The following CHMP4A variants were observed in gnomAD, a reference collection of about 807,000 sequenced individuals.
The protein encoded by CHMP4A is SNF7 homolog associated with Alix-2.
In CHMP4A, 29 loss-of-function variants were observed where a neutral mutation model predicts 28.2. That is an observed-to-expected ratio of 1.03 (90% CI 0.77 to 1.40). The LOEUF (loss-of-function observed/expected upper bound fraction) is 1.40. Among genes scored for constraint, CHMP4A ranks in the 40% most tolerant of loss-of-function variants. CHMP4A has a pLI of 0.00. For missense variants in CHMP4A, 241 were observed against 263.5 expected, an observed-to-expected ratio of 0.91 and a Z score of 0.59; for synonymous variants, 88 against 99.3, an observed-to-expected ratio of 0.89 and a Z score of 0.67.
intron 1 of CHMP4A, chr14:24,212,715 C>T (rs2039606094): frequency 5.9e-6 from 1 of 170,540 alleles, no homozygotes; most frequent in African/African-American, 2.5e-5. Context: ...GCCACCACAA[C>T]CAGCTAATTT....
chr14:24,210,325 GACAACAGA>G lies in CHMP4A; in HGVS notation c.610+15_610+22del. 2 of 1,611,524 alleles carry G rather than the reference GACAACAGA, an allele frequency of 1.2e-6. No homozygotes were observed. The highest frequency in any genetic ancestry group is 1.7e-6 in the Non-Finnish European group (2 of 1,178,822). ...CTCTCCCACCCTCTTAAGTCCTCAAGACAACAGAACAACCCTGCATACCTGGCCCTGCC... is the reference window on the plus strand; with the variant it reads ...CTCTCCCACCCTCTTAAGTCCTCAAGACAACCCTGCATACCTGGCCCTGCC... On this transcript the variant is annotated intron_variant, in intron 5 of 5. Coordinates refer to ENST00000347519, the MANE Select transcript of CHMP4A (RefSeq NM_014169.5).
chr14:24,210,693 G>A lies in CHMP4A; in HGVS notation c.435C>T (p.Ala145=), dbSNP rs2039584156. The part of the protein sequence containing the change: ...QQEVAQQISD[A]ISRPMGFGDD... ...CTCCAAAGCCCATAGGCCGAGAAAT[G>A]GCATCTGAGATCTGCTGGGCCACCT... Residue 145 remains alanine (A), a synonymous_variant, in exon 4 of 6, where the codon GCC becomes GCT. Coordinates refer to ENST00000347519, the MANE Select transcript of CHMP4A (RefSeq NM_014169.5). 6.2e-7 allele frequency: 1 copy of A among 1,614,068 alleles called. No homozygotes were observed. Among genetic ancestry groups the A allele is most frequent in the Non-Finnish European group, 8.5e-7 (1 of 1,179,994 alleles).
chr14:24,211,355 G>GTGA, intron 3 of CHMP4A, 60 bp downstream of exon 3: 1 of 1,435,682 alleles, frequency 7.0e-7, no homozygotes, highest in Non-Finnish European at 9.6e-7. Context: ...AGTTTAAAGT[G>GTGA]TGATAGCAAG....
chr14:24,212,822 C>G (rs1236862107), intron 1 of CHMP4A: 1 of 158,928 alleles, frequency 6.3e-6, no homozygotes, highest in Non-Finnish European at 1.4e-5. Context: ...CCACCTCGGC[C>G]TCCCAAAGTG....
In CHMP4A at chr14:24,209,823, C is replaced by A; in HGVS notation, c.*54G>T. ...TCCTCCTTTAGCTCAGCACTTGGCACTTAAGGAAGAAAGGACCAACAAAGG... is the reference window on the plus strand; with the variant it reads ...TCCTCCTTTAGCTCAGCACTTGGCAATTAAGGAAGAAAGGACCAACAAAGG... On this transcript the variant is annotated 3_prime_UTR_variant, in exon 6 of 6. Transcript: ENST00000347519. 6.4e-7 allele frequency: 1 copy of A among 1,550,924 alleles called. No homozygotes were observed. Among genetic ancestry groups the A allele is most frequent in the South Asian group, 1.1e-5 (1 of 89,764 alleles).
At chr14:24,211,103 GA>G (rs2039587221) in intron 3 of CHMP4A, 1 of 394,696 alleles carries the variant, frequency 2.5e-6, no homozygotes, top group South Asian at 3.3e-5. Context: ...AGAATCACTT[GA>G]ACCCAGGAGG....
chr14:24,213,204 C>A (rs1221888900), intron 1 of CHMP4A: 5 of 558,722 alleles, frequency 8.9e-6, no homozygotes, highest in African/African-American at 7.9e-5. Context: ...GGACGGCGGA[C>A]GGGAACAAGG....
chr14:24,211,359 T>G (rs891115472), intron 3 of CHMP4A, 56 bp downstream of exon 3: 1 of 1,472,952 alleles, frequency 6.8e-7, no homozygotes, highest in Middle Eastern at 2.0e-4. Flanking sequence ...TAAAGTGTGA[T>G]AGCAAGCCAC....
rs2039575968 is a variant in CHMP4A at position 24,209,944 on chromosome 14, A to C, written c.611-9T>G. 1.2e-6 allele frequency: 2 copies of C among 1,613,360 alleles called. No homozygotes were observed. The highest frequency in any genetic ancestry group is 1.7e-6 in the Non-Finnish European group (2 of 1,179,412). ...TTCATCCACTTTGGGAGCTTTGAGG[A>C]CAAAGATACCCAGAGAAAAGAAAGG... On this transcript the variant is annotated splice_polypyrimidine_tract_variant and intron_variant, in intron 5 of 5. Transcript: ENST00000347519.
Position 24,211,763 on chromosome 14 carries a change from A to G in CHMP4A, c.98T>C (p.Leu33Pro). The G allele has an allele frequency of 6.2e-7, 1 of 1,614,148 alleles. No individual in the cohort carries two copies. The highest frequency in any genetic ancestry group is 1.1e-5 in the South Asian group (1 of 91,080). ...CTCCAAAAATTCCTGTTTCTTGATC[A>G]GTATCTTCTCTGTCTCCTTCAGTTT... The part of the protein sequence containing the change: ...IQKLKETEKI[L>P]IKKQEFLEQK... Residue 33 changes from leucine to proline, a missense_variant, in exon 2 of 6, where the codon CTG becomes CCG. Coordinates refer to ENST00000347519, the MANE Select transcript of CHMP4A (RefSeq NM_014169.5).
intron 1 of CHMP4A, among the ~76,000 whole-genome samples, chr14:24,212,314 C>G (rs555122889): frequency 2.6e-5 from 4 of 152,058 alleles, no homozygotes; most frequent in Admixed American, 2.0e-4. Flanking sequence ...AGGCTGGTGT[C>G]GAACTCCCAA....
intron 1 of CHMP4A, 131 bp downstream of exon 1, chr14:24,213,278 G>C (rs2039613918): frequency 8.6e-7 from 1 of 1,165,724 alleles, no homozygotes; most frequent in Non-Finnish European, 1.1e-6. Context: ...GGCCGCCGGG[G>C]TTTTCCAGTC....
intron 1 of CHMP4A, chr14:24,212,604 G>C (rs1357629363): frequency 1.2e-5 from 5 of 403,826 alleles, no homozygotes; most frequent in Non-Finnish European, 2.4e-5. Flanking sequence ...ACCAAGGCTG[G>C]AGTGCATTGG....
chr14:24,213,187 T>A (rs2039612583), intron 1 of CHMP4A: 1 of 527,608 alleles, frequency 1.9e-6, no homozygotes, highest in Non-Finnish European at 3.2e-6. Flanking sequence ...CCTCTGAGAG[T>A]GGGGGAGGAC....
intron 1 of CHMP4A, chr14:24,213,199 G>A (rs2039612875): frequency 1.8e-6 from 1 of 548,038 alleles, no homozygotes; most frequent in Non-Finnish European, 3.1e-6. Context: ...GGGGAGGACG[G>A]CGGACGGGAA....
At position 24,210,646 on chromosome 14, in the gene CHMP4A, C is replaced by T; in HGVS notation, c.474+8G>A. On this transcript the variant is annotated splice_region_variant and intron_variant, in intron 4 of 5. Coordinates refer to ENST00000347519, the MANE Select transcript of CHMP4A (RefSeq NM_014169.5). Reference sequence around the variant, plus strand: ...TGCAATATTCCCTGACCCTTCACCCCCAATCACCTCATCCACATCATCTCC... The same window carrying T: ...TGCAATATTCCCTGACCCTTCACCCTCAATCACCTCATCCACATCATCTCC... 1.2e-6 allele frequency: 2 copies of T among 1,610,188 alleles called. No homozygotes were observed. Among genetic ancestry groups the T allele is most frequent in the East Asian group, 4.5e-5 (2 of 44,876 alleles).
At chr14:24,210,002 C>A in intron 5 of CHMP4A, 67 bp from the exon 6 acceptor site, 1 of 1,388,792 alleles carries the variant, frequency 7.2e-7, no homozygotes, top group Non-Finnish European at 1.0e-6. Flanking sequence ...CTCCAACCAT[C>A]CCCTGCTATG....
chr14:24,210,203 G>T, intron 5 of CHMP4A, 145 bp downstream of exon 5: 2 of 1,091,206 alleles, frequency 1.8e-6, no homozygotes, highest in Non-Finnish European at 2.6e-6. Flanking sequence ...CTAGGTGGGT[G>T]CCTATATGCA....
chr14:24,210,099 C>A (rs2039578001), intron 5 of CHMP4A, among the ~76,000 whole-genome samples, 164 bp from the exon 6 acceptor site: 1 of 152,032 alleles, frequency 6.6e-6, no homozygotes, highest in African/African-American at 2.4e-5. Context: ...TTCAATCCCA[C>A]AGCACCTTTG....
Sources: gnomAD v4.1 joint callset for allele counts (sites outside exome capture counted in the v4.1 genomes callset) on GRCh38, gnomAD v4.1.1 for gene constraint, MANE v1.5 for transcripts, NCBI Gene and HGNC (gene_info 2026-07-23, HGNC 2026-07-21) for gene names.